The following TMEM235 variants were observed in gnomAD, a reference collection of about 807,000 sequenced individuals.
The protein encoded by TMEM235 is transmembrane protein 235.
Under a neutral mutation model 22.9 loss-of-function variants are expected in TMEM235, and 23 were observed. That is an observed-to-expected ratio of 1.00 (90% CI 0.72 to 1.42). The LOEUF is 1.42. Among genes scored for constraint, TMEM235 ranks in the 40% most tolerant of loss-of-function variants. The probability of loss-of-function intolerance (pLI) is 0.00; values close to 1 mark genes in which losing one functional copy is unlikely to be tolerated. For missense variants in TMEM235, 308 were observed against 299.5 expected (o/e 1.03, Z -0.21); for synonymous variants, 137 against 140.5 (o/e 0.98, Z 0.17).
rs899894879 is a variant in TMEM235 at position 78,234,591 on chromosome 17, A to T, written c.272-2A>T. On this transcript the variant is annotated splice_acceptor_variant, in intron 3 of 5. Coordinates refer to ENST00000421688, the Ensembl canonical transcript of TMEM235. LOFTEE classifies it high-confidence loss of function. ...TTCTCACCTGAGCCCCCTTTCCTGC[A>T]GTGCTGCACCGTGCAGTCATTGTGG... 5 of 1,535,898 alleles carry T rather than the reference A, an allele frequency of 3.3e-6. No individual in the cohort carries two copies. Among genetic ancestry groups the T allele is most frequent in the Non-Finnish European group, 3.5e-6 (4 of 1,146,830 alleles).
intron 3 of TMEM235, 141 bp from the exon 3 acceptor site, chr17:78,234,452 G>T: frequency 7.8e-7 from 1 of 1,284,800 alleles, no homozygotes; most frequent in Non-Finnish European, 1.1e-6. Context: ...GGGGCCACTG[G>T]GAGGGTCCAG....
chr17:78,233,650 G>A (rs564029149), intron 2 of TMEM235, among the ~76,000 whole-genome samples: 4 of 150,724 alleles, frequency 2.7e-5, no homozygotes, highest in Non-Finnish European at 4.4e-5. Context: ...AACCGAGATC[G>A]CGCCACTGCA....
exon 2 of TMEM235, chr17:78,231,468 C>T (rs1353516521): frequency 3.1e-6 from 4 of 1,303,302 alleles, no homozygotes; most frequent in Non-Finnish European, 4.0e-6. Context: ...CACTGCACTT[C>T]ACCGGATGCC....
rs572153303 is a variant in TMEM235 at position 78,232,246 on chromosome 17, C to T, written c.190+33C>T. 4.2e-6 allele frequency: 6 copies of T among 1,422,224 alleles called. No individual in the cohort carries two copies. In the South Asian group the frequency reaches 4.4e-5, roughly 10 times the overall value. The allele number at this position is 1,422,224 out of a possible 1,614,324, so 88.1% of individuals were successfully genotyped here. A position where few individuals can be genotyped will look rare whatever the true frequency, so the allele number is the denominator to read the frequency against. ...GCCACCGCGCCGGCCCTCCTCCCTC[C>T]GCGACCTCGTCCCTCCGACACCCCC... On this transcript the variant is annotated intron_variant, in intron 2 of 5. Transcript: ENST00000421688.
chr17:78,239,041 G>T, exon 5 of TMEM235: 1 of 1,541,586 alleles, frequency 6.5e-7, no homozygotes, highest in Non-Finnish European at 8.7e-7. Flanking sequence ...GACACTGGCG[G>T]GGGTCAGCAT....
intron 4 of TMEM235, among the ~76,000 whole-genome samples, chr17:78,236,408 G>C (rs934529846): frequency 6.6e-6 from 1 of 152,360 alleles, no homozygotes. Flanking sequence ...GACTGTAACC[G>C]GTAACCACCC....
At chr17:78,233,704 A>G (rs7221065) in intron 2 of TMEM235, among the ~76,000 whole-genome samples, 191 bp from the exon 2 acceptor site, 29,323 of 151,574 alleles carry the variant, frequency 0.19, 3,598 homozygotes, top group Middle Eastern at 0.27. Flanking sequence ...TCAAAAAAAA[A>G]AAAAAGAAAA....
In TMEM235 at chr17:78,238,341, G is replaced by A. The variant is rs2076667026; in HGVS notation, c.410-683G>A. Among the ~76,000 whole-genome samples, 1 of 152,064 alleles carries A rather than the reference G, an allele frequency of 6.6e-6. No homozygotes were observed. Among genetic ancestry groups the A allele is most frequent in the Non-Finnish European group, 1.5e-5 (1 of 68,000 alleles). ...AGAGCGGGAGGGAGGAGAGAGGAGG[G>A]CCCAGGGCAGGCATCCTCCCCTGGG... is the stretch of plus-strand genomic sequence containing the variant. On this transcript the variant is annotated intron_variant, in intron 4 of 5. Transcript: ENST00000421688. This position sits in a 1 kb window ranked among gnomAD's most constrained non-coding sequence, Gnocchi z 4.3.
chr17:78,232,778 C>T (rs2076597925), intron 2 of TMEM235, among the ~76,000 whole-genome samples: 1 of 149,608 alleles, frequency 6.7e-6, no homozygotes, highest in African/African-American at 2.6e-5. Context: ...GGAGCTTCCC[C>T]TTCACAGCGC....
chr17:78,233,728 G>A (rs896535717), intron 2 of TMEM235, among the ~76,000 whole-genome samples, 167 bp from the exon 2 acceptor site: 20 of 151,992 alleles, frequency 1.3e-4, no homozygotes, highest in African/African-American at 4.1e-4. Flanking sequence ...AAATAAACAA[G>A]GCTAAAGGTC....
exon 6 of TMEM235, chr17:78,240,619 AGTCTTGAGAG>A (rs532295603): frequency 2.0e-5 from 3 of 152,976 alleles, no homozygotes; most frequent in South Asian, 4.1e-4. Context: ...GCCCTTCCCG[AGTCTTGAGAG>A]GTCTTGAGAG....
In TMEM235 at chr17:78,239,120, GC is replaced by G; in HGVS notation, c.507del (p.Val170SerfsTer35). On this transcript the variant is annotated frameshift_variant, in exon 5 of 6. Coordinates refer to ENST00000421688, the Ensembl canonical transcript of TMEM235. LOFTEE classifies it high-confidence loss of function. ...CAGTATGGCCCGCAGCACATGCAGG[GC>G]GTCCGCGTCAGCTTCGGCTGGTCCA... 6.5e-7 allele frequency: 1 copy of G among 1,543,560 alleles called. No individual in the cohort carries two copies. Among genetic ancestry groups the G allele is most frequent in the South Asian group, 1.2e-5 (1 of 84,064 alleles).
intron 2 of TMEM235, among the ~76,000 whole-genome samples, chr17:78,232,971 ATG>A (rs2076600918): frequency 6.6e-6 from 1 of 151,904 alleles, no homozygotes; most frequent in Non-Finnish European, 1.5e-5. Flanking sequence ...GTCAGTGTGC[ATG>A]TGTGTGCATG....
chr17:78,240,411 C>G lies in TMEM235; in HGVS notation c.*619C>G, dbSNP rs139709610. On this transcript the variant is annotated 3_prime_UTR_variant, in exon 6 of 6. Transcript: ENST00000421688. ...AGGGGCTCAGTTTGCAGGCCCAGGC[C>G]CGCAGGCCCACTGCTGGTCCCAGGG... The G allele has an allele frequency of 1.8e-4, 32 of 174,506 alleles. No individual in the cohort carries two copies. In the East Asian group the frequency reaches 3.5e-3, roughly 19 times the overall value. 10.8% of individuals were successfully genotyped at this position (174,506 alleles called of 1,614,324 possible).
chr17:78,232,920 T>C (rs777623037), intron 2 of TMEM235, among the ~76,000 whole-genome samples: 24 of 152,138 alleles, frequency 1.6e-4, no homozygotes, highest in Non-Finnish European at 2.8e-4. Context: ...AGTGTGAGTG[T>C]ATGTAGTTGT....
chr17:78,239,386 A>G (rs1218109277), intron 5 of TMEM235, 113 bp downstream of exon 4: 1 of 1,306,708 alleles, frequency 7.7e-7, no homozygotes. Flanking sequence ...CCTGGCCAGG[A>G]AGGGGCTGGG....
intron 5 of TMEM235, 42 bp from the exon 5 acceptor site, chr17:78,239,738 G>T (rs150502568): frequency 1.3e-6 from 2 of 1,516,434 alleles, no homozygotes. Context: ...CTCCAGCCCC[G>T]CAATGGCCCT....
exon 4 of TMEM235, chr17:78,234,629 G>A (rs1337299129): frequency 6.5e-7 from 1 of 1,536,228 alleles, no homozygotes; most frequent in Non-Finnish European, 8.7e-7. Context: ...CTGCCCCTGA[G>A]CCTGGTCCTT....
At chr17:78,231,506 G>C (rs1293979707) in exon 2 of TMEM235, 2 of 1,304,266 alleles carry the variant, frequency 1.5e-6, no homozygotes, top group Middle Eastern at 2.1e-4. Context: ...GACTGATACA[G>C]ACCAGGACCC....
Sources: allele counts gnomAD v4.1 joint callset (sites outside exome capture counted in the v4.1 genomes callset), GRCh38; gene constraint gnomAD v4.1.1; non-coding constraint Gnocchi (gnomAD v3.1); transcripts MANE v1.5; gene names NCBI Gene and HGNC (gene_info 2026-07-23, HGNC 2026-07-21).